BRAT1: variants seen among roughly 807,000 people sequenced by gnomAD.
BRAT1 encodes the protein BRCA1 associated ATM activator 1.
In BRAT1, 74 loss-of-function variants were observed where a neutral mutation model predicts 70.6. The ratio of observed to expected loss-of-function variants is 1.05; its 90% confidence interval spans 0.87 to 1.27. BRAT1 has a LOEUF of 1.27. BRAT1 is among the 50% of genes most tolerant of loss of function. BRAT1 has a pLI of 0.00. For missense variants in BRAT1, 1,203 were observed against 1,098.2 expected (o/e 1.10, Z -1.35); for synonymous variants, 615 against 517.1 (o/e 1.19, Z -2.57).
In BRAT1 at chr7:2,538,002, T is replaced by TGTC; in HGVS notation, c.*64_*66dup. The TGTC allele has an allele frequency of 6.8e-7, 1 of 1,465,632 alleles. No homozygotes were observed. Among genetic ancestry groups the TGTC allele is most frequent in the South Asian group, 1.6e-5 (1 of 64,218 alleles). The allele number at this position is 1,465,632 out of a possible 1,614,324, so 90.8% of individuals were successfully genotyped here. ...TGGGCTGGAGCCCTGGGGCTGGCAG[T>TGTC]GTCCCACAGAAGGACATGGTGCTGC... On this transcript the variant is annotated 3_prime_UTR_variant, in exon 14 of 14. Coordinates refer to ENST00000340611, the MANE Select transcript of BRAT1 (RefSeq NM_152743.4).
intron 2 of BRAT1, among the ~76,000 whole-genome samples, chr7:2,553,461 ACACT>A (rs936354934): frequency 1.2e-4 from 18 of 152,190 alleles, no homozygotes; most frequent in African/African-American, 2.9e-4. Flanking sequence ...TGTGGAGAAA[ACACT>A]CACTATGATA....
chr7:2,543,080 C>T lies in BRAT1; in HGVS notation c.923+124G>A, dbSNP rs1376370168. ...ACCCACGCACCACCCAGTCACACCC[C>T]GCACGGCCGCCTGACTGTCCCTGGT... On this transcript the variant is annotated intron_variant, in intron 6 of 13. Transcript: ENST00000340611. The surrounding 1 kb of genome is among the most constrained non-coding windows in gnomAD (Gnocchi z 5.5). The T allele has an allele frequency of 9.1e-6, 12 of 1,319,288 alleles. No individual in the cohort carries two copies. The highest frequency in any genetic ancestry group is 6.0e-5 in the African/African-American group (4 of 66,410). The allele number at this position is 1,319,288 out of a possible 1,614,324, so 81.7% of individuals were successfully genotyped here.
rs1425703160 is a variant in BRAT1, at chr7:2,554,527, T to C, written c.-16-80A>G. The stretch of plus-strand genomic sequence containing the variant: ...TCTAGTCACAGCAGCCCACCATGCC[T>C]GCTCAGGCCTGGGAAGGGGCCCCAG... On this transcript the variant is annotated intron_variant, in intron 1 of 13. Coordinates refer to ENST00000340611, the MANE Select transcript of BRAT1 (RefSeq NM_152743.4). 3 of 1,469,260 alleles carry C rather than the reference T, an allele frequency of 2.0e-6. No homozygotes were observed. In the African/African-American group the frequency reaches 4.2e-5, roughly 21 times the overall value. The allele number at this position is 1,469,260 out of a possible 1,614,324, so 91.0% of individuals were successfully genotyped here.
intron 8 of BRAT1, 29 bp downstream of exon 8, chr7:2,541,689 G>A: frequency 6.3e-7 from 1 of 1,587,382 alleles, no homozygotes; most frequent in Non-Finnish European, 8.6e-7. Context: ...GGATGCTGCT[G>A]GGCTGCATGA....
At position 2,543,366 on chromosome 7, in the gene BRAT1, A is replaced by G. The variant is rs751498648; in HGVS notation, c.804-43T>C. ...AGAGAAAAATTACTCCCCCACCCTC[A>G]AAACCCCATTCGAGGCCTGGCTGAG... On this transcript the variant is annotated intron_variant, in intron 5 of 13. Coordinates refer to ENST00000340611, the MANE Select transcript of BRAT1 (RefSeq NM_152743.4). This position sits in a 1 kb window ranked among gnomAD's most constrained non-coding sequence, Gnocchi z 5.5. The G allele has an allele frequency of 1.0e-5, 16 of 1,538,078 alleles. No homozygotes were observed. The highest frequency in any genetic ancestry group is 1.4e-5 in the African/African-American group (1 of 72,298).
rs1779161041 is a variant in BRAT1 at position 2,541,500 on chromosome 7, C to A, written c.1135-16G>T. ...GGCGCTGGGGCTGCGAGGAAGAGGGCCGTCAGCCAAGGTTGCGGTCCCACT... is the reference window on the plus strand; with the variant it reads ...GGCGCTGGGGCTGCGAGGAAGAGGGACGTCAGCCAAGGTTGCGGTCCCACT... On this transcript the variant is annotated splice_polypyrimidine_tract_variant and intron_variant, in intron 8 of 13. Coordinates refer to ENST00000340611, the MANE Select transcript of BRAT1 (RefSeq NM_152743.4). 1 of 1,521,308 alleles carries A rather than the reference C, an allele frequency of 6.6e-7. No homozygotes were observed. Among genetic ancestry groups the A allele is most frequent in the Non-Finnish European group, 8.8e-7 (1 of 1,130,808 alleles). 94.2% of individuals were successfully genotyped at this position (1,521,308 alleles called of 1,614,324 possible).
chr7:2,544,830 C>T lies in BRAT1; in HGVS notation c.430+79G>A, dbSNP rs1019361005. The T allele has an allele frequency of 4.0e-6, 6 of 1,516,946 alleles. No homozygotes were observed. The African/African-American group carries it at 5.5e-5, about 14-fold the overall frequency. 94.0% of individuals were successfully genotyped at this position (1,516,946 alleles called of 1,614,324 possible). A position where few individuals can be genotyped will look rare whatever the true frequency, so the allele number is the denominator to read the frequency against. On this transcript the variant is annotated intron_variant, in intron 4 of 13. Transcript: ENST00000340611. ...TGAGACATCGCACAGACCAGACACT[C>T]AGATTCAGCAAGGTGCAGTGAATTC...
rs758246723 is a variant in BRAT1, at chr7:2,539,780, C to G, written c.1498+6G>C. ...CTCCGTTCACCCCTGCAAGGGGCTG[C>G]GTTACCTCTGAGGAACTGCGGGATG... On this transcript the variant is annotated splice_donor_region_variant and intron_variant, in intron 11 of 13. Coordinates refer to ENST00000340611, the MANE Select transcript of BRAT1 (RefSeq NM_152743.4). 6.2e-7 allele frequency: 1 copy of G among 1,608,864 alleles called. No individual in the cohort carries two copies. The highest frequency in any genetic ancestry group is 1.1e-5 in the South Asian group (1 of 89,930).
At position 2,540,969 on chromosome 7, in the gene BRAT1, A is replaced by G. The variant is rs1273573996; in HGVS notation, c.1395+10T>C. On this transcript the variant is annotated intron_variant, in intron 10 of 13. Transcript: ENST00000340611. ...CCTCCTCTCCTCGCTCTCTATCCCC[A>G]CCACCGTACCGTGGGGCTGGAGCCG... 1.3e-6 allele frequency: 2 copies of G among 1,533,724 alleles called. No homozygotes were observed. Among genetic ancestry groups the G allele is most frequent in the East Asian group, 2.5e-5 (1 of 40,734 alleles).
At chr7:2,553,743 A>T (rs1780207974) in intron 2 of BRAT1, among the ~76,000 whole-genome samples, 1 of 151,692 alleles carries the variant, frequency 6.6e-6, no homozygotes, top group African/African-American at 2.4e-5. Flanking sequence ...TCCCGGACTC[A>T]AAGGATCCTC....
At chr7:2,544,740 C>A (rs1033892195) in intron 4 of BRAT1, among the ~76,000 whole-genome samples, 169 bp downstream of exon 4, 1 of 152,186 alleles carries the variant, frequency 6.6e-6, no homozygotes, top group African/African-American at 2.4e-5. Context: ...GCTCCTAGGG[C>A]CTGACCTGCC....
At chr7:2,541,174 A>G in intron 9 of BRAT1, 122 bp from the exon 10 acceptor site, 4 of 742,542 alleles carry the variant, frequency 5.4e-6, no homozygotes, top group Non-Finnish European at 7.9e-6. Context: ...CGGCCCCTGC[A>G]CCCCTCAGCC....
intron 1 of BRAT1, among the ~76,000 whole-genome samples, chr7:2,555,245 G>C (rs1422725306): frequency 3.9e-5 from 6 of 152,142 alleles, no homozygotes; most frequent in South Asian, 2.1e-4. Context: ...GCCCGGGAAG[G>C]CTGCGTCCCG....
At chr7:2,552,546 T>G (rs1780116524) in intron 2 of BRAT1, among the ~76,000 whole-genome samples, 1 of 150,846 alleles carries the variant, frequency 6.6e-6, no homozygotes. Context: ...GGCAATACGG[T>G]GAGACCCCAT....
Position 2,539,569 on chromosome 7 carries a change from C to G in BRAT1, c.1572G>C (p.Leu524=). The G allele has an allele frequency of 6.3e-7, 1 of 1,575,830 alleles. No individual in the cohort carries two copies. The highest frequency in any genetic ancestry group is 8.6e-7 in the Non-Finnish European group (1 of 1,159,978). Residue 524 remains leucine, a synonymous_variant, in exon 12 of 14, where the codon CTG becomes CTC. Coordinates refer to ENST00000340611, the MANE Select transcript of BRAT1 (RefSeq NM_152743.4). ...WEVRDSALEF[L]TQLSRHWGGQ... is the part of the protein sequence containing the mutation. ...CTCCCCAGTGCCTGCTCAGCTGGGT[C>G]AGGAACTCGAGGGCGGAGTCCCTCA...
At chr7:2,542,825 GC>G in intron 6 of BRAT1, 1 of 173,346 alleles carries the variant, frequency 5.8e-6, no homozygotes, top group Non-Finnish European at 1.2e-5. Context: ...CCGTTGCACC[GC>G]CCCCAGGCCC....
chr7:2,548,520 GCCCGGC>G (rs1779774456), intron 2 of BRAT1, among the ~76,000 whole-genome samples: 1 of 152,012 alleles, frequency 6.6e-6, no homozygotes, highest in South Asian at 2.1e-4. Context: ...AAAAAAATTA[GCCCGGC>G]ATGGTGGCAC....
intron 3 of BRAT1, among the ~76,000 whole-genome samples, chr7:2,545,943 G>A (rs1386388402): frequency 6.6e-5 from 10 of 152,240 alleles, no homozygotes; most frequent in Non-Finnish European, 7.3e-5. Flanking sequence ...GGGGGGCATC[G>A]TGAACGGCAA....
At position 2,543,980 on chromosome 7, in the gene BRAT1, G is replaced by A. The variant is rs893036889; in HGVS notation, c.431-18C>T. ...GACCGCACCTGGGTAGGGGATGGGG[G>A]AAGAGAGGGAAAAGGGGGTGAGCCA... On this transcript the variant is annotated intron_variant, in intron 4 of 13. Coordinates refer to ENST00000340611, the MANE Select transcript of BRAT1 (RefSeq NM_152743.4). This position sits in a 1 kb window ranked among gnomAD's most constrained non-coding sequence, Gnocchi z 5.5. The A allele has an allele frequency of 1.3e-6, 2 of 1,537,926 alleles. No individual in the cohort carries two copies. Among genetic ancestry groups the A allele is most frequent in the Admixed American group, 1.9e-5 (1 of 53,366 alleles).
Sources: allele counts gnomAD v4.1 joint callset (sites outside exome capture counted in the v4.1 genomes callset), GRCh38; gene constraint gnomAD v4.1.1; non-coding constraint Gnocchi (gnomAD v3.1); transcripts MANE v1.5; gene names NCBI Gene and HGNC (gene_info 2026-07-23, HGNC 2026-07-21).